The following NLGN3 variants were observed in gnomAD, a reference collection of about 807,000 sequenced individuals.
NLGN3 encodes the protein neuroligin 3.
Under a neutral mutation model 42.9 loss-of-function variants are expected in NLGN3, and 11 were observed. The ratio of observed to expected loss-of-function variants is 0.26; its 90% CI spans 0.16 to 0.42. The LOEUF (loss-of-function observed/expected upper bound fraction) is 0.42. Among genes scored for constraint, NLGN3 ranks in the 10% least tolerant of loss-of-function variants. The probability of loss-of-function intolerance (pLI) is 1.00; values close to 1 mark genes in which losing one functional copy is unlikely to be tolerated. For synonymous variants in NLGN3, 279 were observed against 312.7 expected, an observed-to-expected ratio of 0.89 and a Z score of 1.14; for missense variants, 374 against 733.8, an observed-to-expected ratio of 0.51 and a Z score of 5.67.
chrX:71,150,889 C>T (rs1380215225), intron 3 of NLGN3, among the ~76,000 whole-genome samples: 1 of 110,768 alleles, frequency 9.0e-6, no homozygotes, highest in Non-Finnish European at 1.9e-5. Context: ...ATTTACCAAT[C>T]GTGATTGTTG....
chrX:71,146,381 G>A (rs2092370793), intron 1 of NLGN3, among the ~76,000 whole-genome samples: 1 of 109,119 alleles, frequency 9.2e-6, no homozygotes, highest in Non-Finnish European at 1.9e-5. Context: ...GTGTGTGTGC[G>A]TGTGTGTGCG....
rs745903511 is a variant in NLGN3 at position 71,147,797 on chromosome X, C to T, written c.48C>T (p.Pro16=). 2.6e-5 allele frequency: 32 copies of T among 1,208,576 alleles called. No homozygotes were observed. The African/African-American group carries it at 4.4e-4, about 16-fold the overall frequency. Residue 16 remains proline (P), a synonymous_variant, in exon 2 of 8, where the codon CCC becomes CCT. Coordinates refer to ENST00000358741, the MANE Select transcript of NLGN3 (RefSeq NM_181303.2). Reference sequence around the variant, plus strand: ...CCTCGCTGTCCCTGAGCCCCAAGCCCACGGTTGGCAGGAGCCTGTGCCTCA... The same window carrying T: ...CCTCGCTGTCCCTGAGCCCCAAGCCTACGGTTGGCAGGAGCCTGTGCCTCA... The part of the protein sequence containing the change: ...GPPSLSLSPK[P]TVGRSLCLTL...
Position 71,167,819 on chromosome X carries a change from T to A in NLGN3, c.1703+19T>A. 1 of 1,184,417 alleles carries A rather than the reference T, an allele frequency of 8.4e-7. No homozygotes were observed. Among genetic ancestry groups the A allele is most frequent in the Non-Finnish European group, 1.1e-6 (1 of 871,506 alleles). On this transcript the variant is annotated intron_variant, in intron 7 of 7. Coordinates refer to ENST00000358741, the MANE Select transcript of NLGN3 (RefSeq NM_181303.2). ...AGACTGGGTAAGGAGAAAATAGGGT[T>A]TTTTTCCTCTTTGAGACCCCAGCAT...
At chrX:71,162,233 C>T (rs1381891000) in intron 5 of NLGN3, among the ~76,000 whole-genome samples, 1 of 110,616 alleles carries the variant, frequency 9.0e-6, no homozygotes, top group African/African-American at 3.3e-5. Flanking sequence ...AGTGATCCTC[C>T]AGCCCCAGCC....
chrX:71,154,157 C>G (rs1331134560), intron 4 of NLGN3, among the ~76,000 whole-genome samples: 10 of 113,154 alleles, frequency 8.8e-5, no homozygotes, highest in Non-Finnish European at 1.7e-4. Context: ...GACACCACAG[C>G]CATCAATAGA....
intron 1 of NLGN3, among the ~76,000 whole-genome samples, chrX:71,145,941 C>G (rs1383861081): frequency 1.1e-5 from 1 of 91,710 alleles, no homozygotes; most frequent in Admixed American, 1.2e-4. Context: ...CACCCACCCA[C>G]TCCCTCCTGC....
Position 71,167,647 on chromosome X carries a change from C to T in NLGN3, c.1550C>T (p.Ala517Val). The T allele has an allele frequency of 1.7e-6, 2 of 1,211,285 alleles. No homozygotes were observed. Among genetic ancestry groups the T allele is most frequent in the African/African-American group, 1.7e-5 (1 of 57,605 alleles). Residue 517 changes from alanine (A) to valine (V), a missense_variant, in exon 7 of 8, where the codon GCT (alanine) becomes GTT (valine). Coordinates refer to ENST00000358741, the MANE Select transcript of NLGN3 (RefSeq NM_181303.2). ...YHHCQSLMKP[A>V]WSDAAHGDEV... Reference sequence around the variant, plus strand: ...CACTGCCAGAGCCTCATGAAGCCTGCTTGGTCAGATGCAGCTCATGGGGAT... The same window carrying T: ...CACTGCCAGAGCCTCATGAAGCCTGTTTGGTCAGATGCAGCTCATGGGGAT...
At chrX:71,171,213 T>C, downstream of NLGN3, 4 of 753,666 alleles carry the variant, frequency 5.3e-6, no homozygotes, top group Non-Finnish European at 6.3e-6. Context: ...CTGCCTCCCT[T>C]GCACAGGCCT....
chrX:71,170,258 C>G lies in NLGN3; in HGVS notation c.*161C>G. On this transcript the variant is annotated 3_prime_UTR_variant, in exon 8 of 8. Coordinates refer to ENST00000358741, the MANE Select transcript of NLGN3 (RefSeq NM_181303.2). Reference sequence around the variant, plus strand: ...GCAGATCCACCTGCACAAACATAGACAGATGTGGACATGCACCCGCATGTA... The same window carrying G: ...GCAGATCCACCTGCACAAACATAGAGAGATGTGGACATGCACCCGCATGTA... 1 of 1,134,870 alleles carries G rather than the reference C, an allele frequency of 8.8e-7. No homozygotes were observed. Among genetic ancestry groups the G allele is most frequent in the Middle Eastern group, 3.4e-4 (1 of 2,966 alleles). The allele number at this position is 1,134,870 out of a possible 1,213,427, so 93.5% of individuals were successfully genotyped here.
rs1602319480 is a variant in NLGN3 at position 71,155,409 on chromosome X, G to A, written c.727+46G>A. The A allele has an allele frequency of 4.2e-6, 5 of 1,187,687 alleles. 1 individual carries two copies. The highest frequency in any genetic ancestry group is 3.5e-5 in the South Asian group (2 of 56,356). ...CCTGGAAGGAAGACTGGCTTCGCAA[G>A]GGGGGAGGAAAGAATGCTGGAGAAT... On this transcript the variant is annotated intron_variant, in intron 5 of 7. Transcript: ENST00000358741.
At chrX:71,151,308 T>TA (rs1194363017) in intron 3 of NLGN3, among the ~76,000 whole-genome samples, 1 of 106,307 alleles carries the variant, frequency 9.4e-6, no homozygotes, top group Admixed American at 1.0e-4. Context: ...AAACTCCATC[T>TA]AAAAAAAGAA....
intron 1 of NLGN3, among the ~76,000 whole-genome samples, chrX:71,145,739 C>G (rs1156721381): frequency 1.0e-5 from 1 of 95,585 alleles, no homozygotes; most frequent in Non-Finnish European, 2.0e-5. Context: ...CGAAGGGTTA[C>G]TGGAGAGGAG....
chrX:71,157,287 CTTATTTATTTAT>C (rs397688201), intron 5 of NLGN3, among the ~76,000 whole-genome samples: 2,966 of 99,864 alleles, frequency 0.03, 52 homozygotes, highest in Non-Finnish European at 0.044. Flanking sequence ...TTTTAATTTG[CTTATTTATTTAT>C]TTATTTATTT....
intron 2 of NLGN3, 82 bp downstream of exon 2, chrX:71,148,288 C>A: frequency 1.3e-6 from 1 of 775,400 alleles, no homozygotes; most frequent in Non-Finnish European, 2.0e-6. Context: ...GGTTGTGTGC[C>A]CTGCAGCATG....
At chrX:71,168,898 GAA>G (rs59272077) in intron 7 of NLGN3, among the ~76,000 whole-genome samples, 1 of 100,575 alleles carries the variant, frequency 9.9e-6, no homozygotes, top group Non-Finnish European at 1.9e-5. Flanking sequence ...AAGAAAGAAA[GAA>G]AGAAAAAGAG....
At chrX:71,161,656 C>T (rs1223952260) in intron 5 of NLGN3, among the ~76,000 whole-genome samples, 1 of 110,951 alleles carries the variant, frequency 9.0e-6, no homozygotes, top group Admixed American at 9.6e-5. Flanking sequence ...CACCTGTAAT[C>T]CCAGCTACTC....
Position 71,167,703 on chromosome X carries a change from G to T in NLGN3, c.1606G>T (p.Val536Leu). Residue 536 changes from valine (V) to leucine (L), a missense_variant, in exon 7 of 8, where the codon GTA (valine) becomes TTA (leucine). Physicochemically the swap from Val to Leu is conservative, Grantham distance 32 (BLOSUM62 1). Around this residue, in one of 6 missense-constraint regions of NLGN3, gnomAD observed 142 missense variants for 359.1 expected, o/e 0.40. Transcript: ENST00000358741. ...ACCCTATGTTTTTGGGGTTCCTATG[G>T]TAGGCCCCACTGACCTTTTCCCCTG... ...EVPYVFGVPM[V>L]GPTDLFPCNF... is the part of the protein sequence containing the mutation. 1 of 1,211,274 alleles carries T rather than the reference G, an allele frequency of 8.3e-7. No individual in the cohort carries two copies. The highest frequency in any genetic ancestry group is 1.1e-6 in the Non-Finnish European group (1 of 895,240).
intron 3 of NLGN3, among the ~76,000 whole-genome samples, chrX:71,152,584 A>T (rs914106028): frequency 2.7e-5 from 3 of 111,849 alleles, no homozygotes; most frequent in Admixed American, 9.5e-5. Context: ...AATAATAAGG[A>T]TAGGACCTAT....
intron 5 of NLGN3, among the ~76,000 whole-genome samples, chrX:71,156,128 G>A (rs1388884218): frequency 1.8e-5 from 2 of 109,052 alleles, no homozygotes; most frequent in African/African-American, 6.7e-5. Context: ...CATATTTACA[G>A]CCCACACAAA....
Sources: allele counts gnomAD v4.1 joint callset (sites outside exome capture counted in the v4.1 genomes callset), GRCh38; gene constraint gnomAD v4.1.1; regional missense constraint gnomAD v4.1.1; transcripts MANE v1.5; gene names NCBI Gene and HGNC (gene_info 2026-07-23, HGNC 2026-07-21).